Variants in WWOX observed in about 807,000 individuals in gnomAD.
WWOX encodes the protein WW domain containing oxidoreductase.
A neutral mutation model predicts 46.2 loss-of-function variants in WWOX; 69 were observed. The ratio of observed to expected loss-of-function variants is 1.49; its 90% CI spans 1.23 to 1.82. The LOEUF is 1.82. WWOX is among the 40% of genes most tolerant of loss of function. The pLI is 0.00. For missense variants in WWOX, 919 were observed against 542.6 expected, an observed-to-expected ratio of 1.69 and a Z score of -6.89; for synonymous variants, 359 against 202.6, an observed-to-expected ratio of 1.77 and a Z score of -6.56.
chr16:79,130,926 G>A (rs917801745), intron 8 of WWOX, among the ~76,000 whole-genome samples: 25 of 152,236 alleles, frequency 1.6e-4, no homozygotes, highest in Non-Finnish European at 2.9e-4. Context: ...CATGCCAACC[G>A]AAGAGACCAC....
chr16:79,142,440 A>C (rs7200634), intron 8 of WWOX, among the ~76,000 whole-genome samples: 28,748 of 152,058 alleles, frequency 0.19, 4,164 homozygotes, highest in African/African-American at 0.41. Context: ...TATTTTCACC[A>C]CGGAAATTGG....
At chr16:78,531,620 A>T (rs1191029071) in intron 8 of WWOX, among the ~76,000 whole-genome samples, 1 of 152,128 alleles carries the variant, frequency 6.6e-6, no homozygotes, top group Non-Finnish European at 1.5e-5. Context: ...AGGCAGGTGA[A>T]TCACTTGAGG....
intron 8 of WWOX, among the ~76,000 whole-genome samples, chr16:79,195,998 A>G (rs12444917): frequency 1.3e-5 from 2 of 152,230 alleles, no homozygotes; most frequent in African/African-American, 2.4e-5. Context: ...AGTGGGGACA[A>G]TAATACTACT....
chr16:78,708,380 A>G (rs2048370279), intron 8 of WWOX, among the ~76,000 whole-genome samples: 1 of 152,088 alleles, frequency 6.6e-6, no homozygotes, highest in South Asian at 2.1e-4. Context: ...CTGTGTTTTT[A>G]TTTGCTAGAC....
intron 5 of WWOX, among the ~76,000 whole-genome samples, chr16:78,374,228 CCT>C (rs1491169315): frequency 6.6e-6 from 1 of 152,098 alleles, no homozygotes; most frequent in African/African-American, 2.4e-5. Flanking sequence ...TTCCTCTCTC[CCT>C]GTTAGTCTTG....
At chr16:78,979,155 T>C (rs776447886) in intron 8 of WWOX, among the ~76,000 whole-genome samples, 1 of 151,856 alleles carries the variant, frequency 6.6e-6, no homozygotes, top group Non-Finnish European at 1.5e-5. Flanking sequence ...TTGGGTCTTA[T>C]CTTGTTTTAT....
intron 5 of WWOX, among the ~76,000 whole-genome samples, chr16:78,338,945 A>G (rs1432005330): frequency 8.3e-6 from 1 of 120,942 alleles, no homozygotes; most frequent in Non-Finnish European, 2.0e-5. Flanking sequence ...TAACTCATTT[A>G]GTGAATTCAG....
At chr16:78,696,035 C>T (rs1163000397) in intron 8 of WWOX, among the ~76,000 whole-genome samples, 1 of 152,140 alleles carries the variant, frequency 6.6e-6, no homozygotes, top group East Asian at 1.9e-4. Context: ...AGCCTGTAGG[C>T]TGCAGTCTGT....
At chr16:79,052,233 C>T (rs1478285203) in intron 8 of WWOX, among the ~76,000 whole-genome samples, 5 of 145,734 alleles carry the variant, frequency 3.4e-5, no homozygotes, top group Non-Finnish European at 7.5e-5. Flanking sequence ...TATTCCCCTT[C>T]CTGTGTCCAT....
At chr16:79,112,652 C>T (rs138601083) in intron 8 of WWOX, among the ~76,000 whole-genome samples, 165 of 152,320 alleles carry the variant, frequency 1.1e-3, no homozygotes, top group Non-Finnish European at 1.8e-3. Context: ...AGAAAGCACT[C>T]GCATGAATGT....
At chr16:78,665,216 T>G (rs1485109380) in intron 8 of WWOX, among the ~76,000 whole-genome samples, 1 of 152,126 alleles carries the variant, frequency 6.6e-6, no homozygotes, top group Non-Finnish European at 1.5e-5. Flanking sequence ...GCACGCGGGC[T>G]TCTGGAGTCA....
chr16:78,660,437 A>T (rs1338463742), intron 8 of WWOX, among the ~76,000 whole-genome samples: 1 of 152,036 alleles, frequency 6.6e-6, no homozygotes, highest in African/African-American at 2.4e-5. Context: ...CACAGCTTTC[A>T]TTTTTCAGTT....
At chr16:78,240,706 C>G (rs1489098271) in intron 5 of WWOX, among the ~76,000 whole-genome samples, 3 of 152,134 alleles carry the variant, frequency 2.0e-5, no homozygotes, top group African/African-American at 7.2e-5. Context: ...GCAGCCGTCT[C>G]GTGTTATGCA....
At chr16:79,045,367 A>G (rs1007860569) in intron 8 of WWOX, among the ~76,000 whole-genome samples, 4 of 152,186 alleles carry the variant, frequency 2.6e-5, no homozygotes, top group Non-Finnish European at 4.4e-5. Context: ...CCAGTTGTCC[A>G]GCTTGTAGCT....
chr16:78,262,910 C>T (rs928647410), intron 5 of WWOX, among the ~76,000 whole-genome samples: 3 of 152,212 alleles, frequency 2.0e-5, no homozygotes, highest in Admixed American at 6.5e-5. Flanking sequence ...GCAGCATTCC[C>T]TGAGGGCTTT....
intron 8 of WWOX, among the ~76,000 whole-genome samples, chr16:78,531,685 A>G (rs569440439): frequency 6.6e-6 from 1 of 151,982 alleles, no homozygotes; most frequent in Non-Finnish European, 1.5e-5. Context: ...TCTACTAAAA[A>G]TACAAAAATT....
intron 8 of WWOX, among the ~76,000 whole-genome samples, chr16:78,711,848 A>C (rs1270786637): frequency 6.6e-6 from 1 of 152,162 alleles, no homozygotes; most frequent in Admixed American, 6.5e-5. Context: ...GATCACAATT[A>C]TTCCGTAAAC....
chr16:78,543,084 C>G (rs948551381), intron 8 of WWOX, among the ~76,000 whole-genome samples: 1 of 152,240 alleles, frequency 6.6e-6, no homozygotes, highest in Non-Finnish European at 1.5e-5. Flanking sequence ...TGTTTCATTT[C>G]TTGCTCATAC....
intron 8 of WWOX, among the ~76,000 whole-genome samples, chr16:78,615,206 C>T (rs1480424417): frequency 2.0e-5 from 3 of 152,172 alleles, no homozygotes; most frequent in South Asian, 4.1e-4. Context: ...TAGAAACTCT[C>T]TGTTTTTTGA....
Sources: allele counts gnomAD v4.1 joint callset (sites outside exome capture counted in the v4.1 genomes callset), GRCh38; gene constraint gnomAD v4.1.1; transcripts MANE v1.5; gene names NCBI Gene and HGNC (gene_info 2026-07-23, HGNC 2026-07-21).